Variants in GARRE1 observed in about 807,000 individuals in gnomAD.
GARRE1 encodes the protein granule associated Rac and RHOG effector 1, also known as granule associated Rac and RHOG effector protein 1.
A neutral mutation model predicts 103.2 loss-of-function variants in GARRE1; 49 were observed. The observed-to-expected ratio is 0.47, with a 90% CI of 0.38 to 0.60. The LOEUF is 0.60. GARRE1 is among the 20% of genes least tolerant of loss of function. The probability of loss-of-function intolerance (pLI) is 0.00; values close to 1 mark genes in which losing one functional copy is unlikely to be tolerated. For synonymous variants in GARRE1, 505 were observed against 532.8 expected, an observed-to-expected ratio of 0.95 and a Z score of 0.72; for missense variants, 1,199 against 1,370.5, an observed-to-expected ratio of 0.87 and a Z score of 1.98.
At chr19:34,263,048 A>C (rs1416060889) in intron 1 of GARRE1, among the ~76,000 whole-genome samples, 2 of 151,826 alleles carry the variant, frequency 1.3e-5, no homozygotes, top group Non-Finnish European at 2.9e-5. Context: ...CCCCACCTCT[A>C]CTAAAAATAC....
In GARRE1 at chr19:34,341,741, C is replaced by T. The variant is rs1293437436; in HGVS notation, c.1807C>T (p.Pro603Ser). The T allele has an allele frequency of 1.2e-6, 2 of 1,614,144 alleles. No homozygotes were observed. Among genetic ancestry groups the T allele is most frequent in the East Asian group, 2.2e-5 (1 of 44,892 alleles). Residue 603 changes from proline (P) to serine (S), a missense_variant, in exon 10 of 14, where the codon CCT becomes TCT. Physicochemically the swap from Pro to Ser is moderately conservative, Grantham distance 74. Coordinates refer to ENST00000299505, the MANE Select transcript of GARRE1 (RefSeq NM_014686.5). ...NIGNFPRTTD[P>S]SQSAQNSSNT... ...TGGTAATTTCCCCAGGACTACAGAC[C>T]CTTCACAGTCAGCTCAGAATTCCAG...
At chr19:34,338,529 C>T (rs139374100) in intron 8 of GARRE1, among the ~76,000 whole-genome samples, 39 of 152,192 alleles carry the variant, frequency 2.6e-4, no homozygotes, top group African/African-American at 8.7e-4. Flanking sequence ...TAGAGTAGGA[C>T]TCTGTCTCGA....
chr19:34,299,715 T>C lies in GARRE1; in HGVS notation c.-759T>C, dbSNP rs1201895555. 6.6e-6 allele frequency: 1 copy of C among 152,218 alleles called. No individual in the cohort carries two copies. Among genetic ancestry groups the C allele is most frequent in the African/African-American group, 2.4e-5 (1 of 41,456 alleles). 9.4% of individuals were successfully genotyped at this position (152,218 alleles called of 1,614,324 possible). On this transcript the variant is annotated 5_prime_UTR_variant, in exon 2 of 14. Transcript: ENST00000299505. The stretch of plus-strand genomic sequence containing the variant: ...GAAGCCTTACAAATACATCTGTGCA[T>C]TCTTGCTTCAGACTTTACAACTGAG...
At chr19:34,324,124 G>C (rs924711954) in intron 3 of GARRE1, among the ~76,000 whole-genome samples, 2 of 152,056 alleles carry the variant, frequency 1.3e-5, no homozygotes, top group African/African-American at 4.8e-5. Flanking sequence ...TCTGTGGTGC[G>C]ACCTAGTGTT....
intron 1 of GARRE1, among the ~76,000 whole-genome samples, chr19:34,291,986 A>G (rs2073920561): frequency 6.6e-6 from 1 of 151,810 alleles, no homozygotes; most frequent in Non-Finnish European, 1.5e-5. Context: ...AGCCTCCTAA[A>G]TAGCTGGGAT....
chr19:34,285,283 A>T (rs1349307934), intron 1 of GARRE1: 1 of 152,156 alleles, frequency 6.6e-6, no homozygotes, highest in African/African-American at 2.4e-5. Context: ...GGTAGGTATT[A>T]CCACCTTCTC....
chr19:34,326,848 G>C (rs1044856943), intron 3 of GARRE1, among the ~76,000 whole-genome samples: 7 of 151,412 alleles, frequency 4.6e-5, no homozygotes, highest in African/African-American at 1.7e-4. Context: ...TTTTTTCCAG[G>C]GTTCCTAAAA....
chr19:34,298,239 A>G (rs2073957564), intron 1 of GARRE1, among the ~76,000 whole-genome samples: 1 of 151,518 alleles, frequency 6.6e-6, no homozygotes, highest in Admixed American at 6.6e-5. Flanking sequence ...AACATGGCGA[A>G]ACCTCGTCTC....
chr19:34,332,102 A>G (rs1446084636), intron 7 of GARRE1, among the ~76,000 whole-genome samples: 1 of 152,140 alleles, frequency 6.6e-6, no homozygotes, highest in African/African-American at 2.4e-5. Context: ...TTTATTCACA[A>G]AAAGAGCTAT....
At chr19:34,270,822 C>T (rs1182356126) in intron 1 of GARRE1, among the ~76,000 whole-genome samples, 8 of 152,128 alleles carry the variant, frequency 5.3e-5, no homozygotes, top group Admixed American at 2.0e-4. Context: ...ATTAGTTTAT[C>T]GGAGATTCTT....
intron 8 of GARRE1, among the ~76,000 whole-genome samples, chr19:34,337,434 G>A (rs965546094): frequency 1.3e-5 from 2 of 152,214 alleles, no homozygotes; most frequent in African/African-American, 2.4e-5. Context: ...CAGTCTGGAA[G>A]AGGGTCTGAG....
chr19:34,273,650 G>A (rs375009668), intron 1 of GARRE1, among the ~76,000 whole-genome samples: 1 of 152,170 alleles, frequency 6.6e-6, no homozygotes, highest in African/African-American at 2.4e-5. Context: ...TTGTGATCTA[G>A]CATGTTATGC....
At chr19:34,321,461 G>GTT (rs943139006) in intron 3 of GARRE1, among the ~76,000 whole-genome samples, 1 of 142,202 alleles carries the variant, frequency 7.0e-6, no homozygotes, top group Non-Finnish European at 1.6e-5. Flanking sequence ...ACTTCATGAA[G>GTT]TTTTTTTTTT....
intron 1 of GARRE1, among the ~76,000 whole-genome samples, chr19:34,261,949 A>G (rs1243539752): frequency 3.3e-5 from 5 of 152,048 alleles, no homozygotes; most frequent in Admixed American, 1.3e-4. Context: ...TACCTCTGGT[A>G]TGTGTGGCAT....
At chr19:34,318,898 C>T (rs574892046) in intron 2 of GARRE1, among the ~76,000 whole-genome samples, 4 of 151,948 alleles carry the variant, frequency 2.6e-5, no homozygotes, top group African/African-American at 4.8e-5. Flanking sequence ...AAAAATTAGC[C>T]GGGTGTGATA....
intron 1 of GARRE1, among the ~76,000 whole-genome samples, chr19:34,281,895 T>C (rs2073856383): frequency 6.6e-6 from 1 of 152,346 alleles, no homozygotes; most frequent in East Asian, 1.9e-4. Context: ...GTAAGATAGA[T>C]TGAAAGAAGT....
At chr19:34,304,399 G>T (rs1392771123) in intron 2 of GARRE1, among the ~76,000 whole-genome samples, 1 of 135,482 alleles carries the variant, frequency 7.4e-6, no homozygotes, top group Non-Finnish European at 1.6e-5. Context: ...TTTTTGAGAC[G>T]GAGTCTTGCT....
chr19:34,268,224 A>T (rs139536268), intron 1 of GARRE1, among the ~76,000 whole-genome samples: 162 of 152,262 alleles, frequency 1.1e-3, no homozygotes, highest in Non-Finnish European at 1.9e-3. Flanking sequence ...ATGGTCCAAG[A>T]CTATTTTAGT....
rs1450263062 is a variant in GARRE1 at position 34,328,112 on chromosome 19, C to T, written c.1065C>T (p.Ser355=). The stretch of plus-strand genomic sequence containing the variant: ...GATCGCACTTCCTGAAGGGCGTCTC[C>T]TTTAATGAGTCGGCCGCCGACAATC... The part of the protein sequence containing the change: ...QIGSHFLKGV[S]FNESAADNLK... Residue 355 remains serine (S), a synonymous_variant, in exon 6 of 14, where the codon TCC becomes TCT. Transcript: ENST00000299505. The T allele has an allele frequency of 6.2e-7, 1 of 1,614,132 alleles. No individual in the cohort carries two copies. Among genetic ancestry groups the T allele is most frequent in the South Asian group, 1.1e-5 (1 of 91,080 alleles).
Sources: gnomAD v4.1 joint callset for allele counts (sites outside exome capture counted in the v4.1 genomes callset) on GRCh38, gnomAD v4.1.1 for gene constraint, MANE v1.5 for transcripts, NCBI Gene and HGNC (gene_info 2026-07-23, HGNC 2026-07-21) for gene names.